Variants in LRRC3B observed in about 807,000 individuals in gnomAD.
LRRC3B encodes leucine rich repeat containing 3B.
LRRC3B carries 2 observed loss-of-function variants against 12.8 expected under a neutral mutation model. The ratio of observed to expected loss-of-function variants is 0.16; its 90% CI spans 0.06 to 0.49. LRRC3B has a LOEUF of 0.49. LRRC3B is among the 20% of genes least tolerant of loss of function. The probability of loss-of-function intolerance (pLI) is 0.96; values close to 1 mark genes in which losing one functional copy is unlikely to be tolerated. For missense variants in LRRC3B, 189 were observed against 319.4 expected, an observed-to-expected ratio of 0.59 and a Z score of 3.11; for synonymous variants, 132 against 122.0, an observed-to-expected ratio of 1.08 and a Z score of -0.54.
intron 1 of LRRC3B, among the ~76,000 whole-genome samples, chr3:26,638,786 T>C (rs1264160173): frequency 6.6e-6 from 1 of 152,224 alleles, no homozygotes; most frequent in Non-Finnish European, 1.5e-5. Flanking sequence ...TGTTCATTCT[T>C]AGACTGTTTT....
intron 1 of LRRC3B, among the ~76,000 whole-genome samples, chr3:26,645,164 G>GA (rs1296308765): frequency 5.3e-5 from 8 of 152,212 alleles, no homozygotes; most frequent in Non-Finnish European, 8.8e-5. Context: ...ATAGTTGCAG[G>GA]AAAAAATAGA....
chr3:26,675,911 T>A (rs1699848647), intron 1 of LRRC3B, among the ~76,000 whole-genome samples: 1 of 151,994 alleles, frequency 6.6e-6, no homozygotes, highest in Non-Finnish European at 1.5e-5. Flanking sequence ...AAATAAAATG[T>A]GGGAATCTGA....
intron 1 of LRRC3B, among the ~76,000 whole-genome samples, chr3:26,695,493 G>C (rs549630719): frequency 6.6e-6 from 1 of 151,942 alleles, no homozygotes. Context: ...CGCCACTGCA[G>C]TCCAGCCTGG....
At position 26,671,350 on chromosome 3, in the gene LRRC3B, G is replaced by GTATATA. The variant is rs1161960755; in HGVS notation, c.-160-38144_-160-38139dup. Among the ~76,000 whole-genome samples the GTATATA allele has an allele frequency of 2.8e-3, 157 of 56,674 alleles. 6 individuals are homozygous for GTATATA. Among genetic ancestry groups the GTATATA allele is most frequent in the African/African-American group, 4.5e-3 (54 of 12,046 alleles). 37.2% of individuals were successfully genotyped at this position (56,674 alleles called of 152,430 possible). ...TATAAATGTGTGTGTATATATGTGT[G>GTATATA]TATATATATATATATATATATATAG... is the stretch of plus-strand genomic sequence containing the variant. On this transcript the variant is annotated intron_variant, in intron 1 of 1. Coordinates refer to ENST00000396641, the Ensembl canonical transcript of LRRC3B.
chr3:26,626,111 C>A (rs967622853), intron 1 of LRRC3B, among the ~76,000 whole-genome samples: 3 of 152,192 alleles, frequency 2.0e-5, no homozygotes, highest in African/African-American at 7.2e-5. Context: ...GGCCTGTGAG[C>A]CCCTGTGACT....
chr3:26,693,328 CAAA>C (rs71950080), intron 1 of LRRC3B, among the ~76,000 whole-genome samples: 3 of 96,118 alleles, frequency 3.1e-5, no homozygotes, highest in Admixed American at 2.1e-4. Context: ...AACTCCGTCT[CAAA>C]AAAAAAAAAA....
intron 1 of LRRC3B, among the ~76,000 whole-genome samples, chr3:26,679,363 C>G (rs1387042230): frequency 6.6e-6 from 1 of 152,204 alleles, no homozygotes; most frequent in Non-Finnish European, 1.5e-5. Flanking sequence ...CATGGTCTCC[C>G]TGATGGCCTC....
intron 1 of LRRC3B, among the ~76,000 whole-genome samples, chr3:26,661,066 G>A (rs1299288448): frequency 6.6e-6 from 1 of 152,152 alleles, no homozygotes; most frequent in African/African-American, 2.4e-5. Flanking sequence ...AAAACATCCT[G>A]AATAGATTGT....
chr3:26,678,467 C>A (rs1699907224), intron 1 of LRRC3B, among the ~76,000 whole-genome samples: 1 of 151,316 alleles, frequency 6.6e-6, no homozygotes, highest in Admixed American at 6.6e-5. Context: ...GCATTTCAGC[C>A]TGGGTAACAG....
chr3:26,687,837 G>A lies in LRRC3B; in HGVS notation c.-160-21676G>A, dbSNP rs548063481. ...CAGATGGAATGGGAAGAGTATCAAG[G>A]GTTGAGATAATCCATAGTTTGAATA... is the stretch of plus-strand genomic sequence containing the variant. On this transcript the variant is annotated intron_variant, in intron 1 of 1. Transcript: ENST00000396641. Among the ~76,000 whole-genome samples, 202 of 152,328 alleles carry A rather than the reference G, an allele frequency of 1.3e-3. 1 individual carries two copies. Among genetic ancestry groups the A allele is most frequent in the Non-Finnish European group, 2.5e-3 (171 of 68,032 alleles).
At chr3:26,701,192 T>C (rs1700444315) in intron 1 of LRRC3B, 1 of 152,146 alleles carries the variant, frequency 6.6e-6, no homozygotes, top group Non-Finnish European at 1.5e-5. Flanking sequence ...TTTCATTTAA[T>C]ATTTAACTGT....
intron 1 of LRRC3B, among the ~76,000 whole-genome samples, chr3:26,698,545 T>C (rs1575174459): frequency 6.6e-6 from 1 of 152,142 alleles, no homozygotes; most frequent in South Asian, 2.1e-4. Flanking sequence ...AAAGGACTTA[T>C]CTTCCCCTCG....
At chr3:26,647,535 A>G (rs1261739454) in intron 1 of LRRC3B, among the ~76,000 whole-genome samples, 1 of 152,194 alleles carries the variant, frequency 6.6e-6, no homozygotes, top group African/African-American at 2.4e-5. Flanking sequence ...ATAAAACATT[A>G]TGTGAATAAA....
intron 1 of LRRC3B, among the ~76,000 whole-genome samples, chr3:26,687,080 G>A (rs1368866216): frequency 6.6e-6 from 1 of 152,112 alleles, no homozygotes; most frequent in Non-Finnish European, 1.5e-5. Context: ...GCCTCACAAT[G>A]TCCACCACTG....
chr3:26,681,803 G>T (rs539807181), intron 1 of LRRC3B, among the ~76,000 whole-genome samples: 4 of 152,088 alleles, frequency 2.6e-5, no homozygotes, highest in Non-Finnish European at 5.9e-5. Context: ...ATAAGCCAAA[G>T]CCTCTTGAAT....
intron 1 of LRRC3B, among the ~76,000 whole-genome samples, chr3:26,701,727 C>T (rs1700460580): frequency 1.3e-5 from 2 of 152,090 alleles, no homozygotes; most frequent in African/African-American, 4.8e-5. Context: ...CTCCAGGGGT[C>T]ATGTACTAAA....
intron 1 of LRRC3B, among the ~76,000 whole-genome samples, chr3:26,643,248 A>ATGTGTG (rs758390976): frequency 1.6e-5 from 2 of 123,034 alleles, no homozygotes; most frequent in Non-Finnish European, 3.3e-5. Context: ...ATACACACAT[A>ATGTGTG]TGTGTGAGTG....
chr3:26,674,902 A>T (rs1394587106), intron 1 of LRRC3B, among the ~76,000 whole-genome samples: 1 of 152,100 alleles, frequency 6.6e-6, no homozygotes, highest in Non-Finnish European at 1.5e-5. Context: ...TTTCCTGAAG[A>T]TTTCCCAAAT....
At chr3:26,655,631 C>G (rs573056942) in intron 1 of LRRC3B, among the ~76,000 whole-genome samples, 4 of 152,266 alleles carry the variant, frequency 2.6e-5, no homozygotes, top group African/African-American at 9.6e-5. Context: ...TTTTAGTTAT[C>G]TTTCATAGAT....
Sources: allele counts gnomAD v4.1 joint callset (sites outside exome capture counted in the v4.1 genomes callset), GRCh38; gene constraint gnomAD v4.1.1; transcripts MANE v1.5; gene names NCBI Gene and HGNC (gene_info 2026-07-23, HGNC 2026-07-21).